Variants in ABCB5 observed in about 807,000 individuals in gnomAD.
The protein encoded by ABCB5 is ATP binding cassette subfamily B member 5, also known as ATP-binding cassette sub-family B member 5.
ABCB5 carries 155 observed loss-of-function variants against 144.2 expected under a neutral mutation model. The observed-to-expected ratio is 1.08, with a 90% confidence interval of 0.94 to 1.23. ABCB5 has a LOEUF of 1.23. Ranked by LOEUF, ABCB5 falls within the 50% of genes most tolerant of loss-of-function variation. The pLI, the probability that ABCB5 is intolerant of heterozygous loss-of-function variation, is 0.00. For synonymous variants in ABCB5, 610 were observed against 528.6 expected (o/e 1.15, Z -2.11); for missense variants, 1,830 against 1,520.8 (o/e 1.20, Z -3.38).
intron 13 of ABCB5, among the ~76,000 whole-genome samples, chr7:20,654,772 C>T (rs1784717160): frequency 6.6e-6 from 1 of 151,894 alleles, no homozygotes; most frequent in South Asian, 2.1e-4. Flanking sequence ...CTATTCTGAA[C>T]TAAATCAAAA....
rs1056418007 is a variant in ABCB5, at chr7:20,707,836, C to T, written c.2421+3029C>T. On this transcript the variant is annotated intron_variant, in intron 20 of 27. Transcript: ENST00000404938. Reference sequence around the variant, plus strand: ...TTTTTTTTTTTTTGAGACGGGGTCTCGCTCTCGCCCAGGCTGGAATGCAGT... The same window carrying T: ...TTTTTTTTTTTTTGAGACGGGGTCTTGCTCTCGCCCAGGCTGGAATGCAGT... Among the ~76,000 whole-genome samples the T allele has an allele frequency of 3.3e-5, 4 of 121,972 alleles. No individual in the cohort carries two copies. In the East Asian group the frequency reaches 8.4e-4, roughly 26 times the overall value. 80.0% of individuals were successfully genotyped at this position (121,972 alleles called of 152,430 possible).
At chr7:20,728,198 A>C (rs1782097305) in intron 22 of ABCB5, 117 bp from the exon 23 acceptor site, 1 of 1,247,582 alleles carries the variant, frequency 8.0e-7, no homozygotes, top group Non-Finnish European at 1.1e-6. Context: ...CATTCGAAAA[A>C]TGCCTTTCCA....
intron 14 of ABCB5, among the ~76,000 whole-genome samples, chr7:20,675,242 T>C (rs1583417084): frequency 2.0e-5 from 3 of 152,152 alleles, no homozygotes; most frequent in African/African-American, 7.2e-5. Flanking sequence ...GATTTCAAAA[T>C]ACATTACAAA....
chr7:20,655,047 T>TAA (rs71020653), intron 13 of ABCB5, among the ~76,000 whole-genome samples: 11 of 129,322 alleles, frequency 8.5e-5, no homozygotes, highest in South Asian at 2.4e-4. Flanking sequence ...CTGAAAAGAT[T>TAA]AAAAAAAAAA....
intron 19 of ABCB5, among the ~76,000 whole-genome samples, chr7:20,703,000 G>A (rs1786687707): frequency 6.6e-6 from 1 of 151,910 alleles, no homozygotes; most frequent in East Asian, 1.9e-4. Flanking sequence ...TTGCTGTCTT[G>A]CCAAAAAGCA....
chr7:20,625,192 T>C (rs73684575), intron 2 of ABCB5, among the ~76,000 whole-genome samples: 7,346 of 152,284 alleles, frequency 0.048, 560 homozygotes, highest in African/African-American at 0.16. Context: ...CAGAGCAAAT[T>C]GACCGGAACT....
At chr7:20,738,680 C>T (rs1044294796) in intron 23 of ABCB5, among the ~76,000 whole-genome samples, 12 of 152,174 alleles carry the variant, frequency 7.9e-5, no homozygotes, top group African/African-American at 2.4e-4. Context: ...AAGCAAGCCT[C>T]ATATCAAGAT....
At chr7:20,698,681 C>T (rs1786506806) in intron 17 of ABCB5, 131 bp downstream of exon 17, 7 of 754,498 alleles carry the variant, frequency 9.3e-6, no homozygotes, top group East Asian at 6.1e-5. Context: ...GTGTGGAGTC[C>T]GTGATAGGAA....
At chr7:20,651,355 A>G in intron 12 of ABCB5, 65 bp from the exon 13 acceptor site, 1 of 1,531,536 alleles carries the variant, frequency 6.5e-7, no homozygotes, top group South Asian at 1.2e-5. Context: ...TTGGTCTAGT[A>G]TGAAAAACCC....
chr7:20,658,166 G>A (rs191330179), intron 13 of ABCB5, among the ~76,000 whole-genome samples: 8 of 152,216 alleles, frequency 5.3e-5, no homozygotes, highest in Non-Finnish European at 4.4e-5. Flanking sequence ...TTGTATTACA[G>A]TGGTTCTTTT....
chr7:20,738,875 A>G, intron 23 of ABCB5, 108 bp from the exon 24 acceptor site: 6 of 1,258,998 alleles, frequency 4.8e-6, no homozygotes, highest in Non-Finnish European at 6.3e-6. Flanking sequence ...GGTGCCGTCT[A>G]CATCAAAAGA....
chr7:20,678,572 G>T (rs992102367), intron 14 of ABCB5, among the ~76,000 whole-genome samples: 1 of 152,084 alleles, frequency 6.6e-6, no homozygotes, highest in Non-Finnish European at 1.5e-5. Context: ...TGGCAAATCT[G>T]TAGTGCCAGA....
chr7:20,624,359 TTTC>T (rs1360742743), intron 2 of ABCB5, among the ~76,000 whole-genome samples: 2 of 152,188 alleles, frequency 1.3e-5, no homozygotes, highest in Non-Finnish European at 2.9e-5. Context: ...CCTGTGACTG[TTTC>T]TTCATCTTTA....
intron 14 of ABCB5, among the ~76,000 whole-genome samples, chr7:20,680,970 T>TTTTCTTTCTTTC (rs1244502074): frequency 1.5e-5 from 2 of 131,156 alleles, no homozygotes; most frequent in African/African-American, 2.9e-5. Flanking sequence ...CCTCCTTTCT[T>TTTTCTTTCTTTC]TTTCTTTCTT....
At chr7:20,738,336 AACATCATTTGC>A (rs1782454323) in intron 23 of ABCB5, among the ~76,000 whole-genome samples, 1 of 152,212 alleles carries the variant, frequency 6.6e-6, no homozygotes, top group African/African-American at 2.4e-5. Flanking sequence ...TGTGCTTCCA[AACATCATTTGC>A]ACACTTACCA....
chr7:20,621,338 C>G (rs1783801878), intron 1 of ABCB5, among the ~76,000 whole-genome samples: 1 of 152,058 alleles, frequency 6.6e-6, no homozygotes, highest in Non-Finnish European at 1.5e-5. Flanking sequence ...TGAGTATGCA[C>G]TTAATCCCAC....
At chr7:20,690,785 G>A (rs1411976036) in intron 16 of ABCB5, among the ~76,000 whole-genome samples, 5 of 152,148 alleles carry the variant, frequency 3.3e-5, no homozygotes, top group Non-Finnish European at 7.4e-5. Flanking sequence ...CACTAGTGAA[G>A]GGATCCTAAC....
chr7:20,662,718 A>G (rs74693790), intron 14 of ABCB5, among the ~76,000 whole-genome samples: 2,161 of 151,746 alleles, frequency 0.014, 48 homozygotes, highest in African/African-American at 0.049. Flanking sequence ...AATCAAGCTC[A>G]CATTTGTAGC....
rs1368537311 is a variant in ABCB5 at position 20,710,386 on chromosome 7, G to GT, written c.2421+5579_2421+5580insT. ...CCACCTCAAAAAAAAAAAAAAGTGG[G>GT]GGGGGGGCATGACTGTGTTTCAATA... On this transcript the variant is annotated intron_variant, in intron 20 of 27. Transcript: ENST00000404938. Among the ~76,000 whole-genome samples the GT allele has an allele frequency of 2.1e-4, 26 of 121,686 alleles. 4 individuals are homozygous for GT. The East Asian group carries it at 5.8e-3, about 27-fold the overall frequency. 79.8% of individuals were successfully genotyped at this position (121,686 alleles called of 152,430 possible).
Sources: allele counts gnomAD v4.1 joint callset (sites outside exome capture counted in the v4.1 genomes callset), GRCh38; gene constraint gnomAD v4.1.1; transcripts MANE v1.5; gene names NCBI Gene and HGNC (gene_info 2026-07-23, HGNC 2026-07-21).